TRHDE: variants seen among roughly 807,000 people sequenced by gnomAD.
TRHDE encodes thyrotropin releasing hormone degrading enzyme, also known as thyrotropin-releasing hormone-degrading ectoenzyme.
TRHDE carries 72 observed loss-of-function variants against 125.7 expected under a neutral mutation model. That is an observed-to-expected ratio of 0.57 (90% CI 0.47 to 0.70). The LOEUF (loss-of-function observed/expected upper bound fraction) is 0.70. TRHDE is among the 30% of genes least tolerant of loss of function. The probability of loss-of-function intolerance (pLI) is 0.00; values close to 1 mark genes in which losing one functional copy is unlikely to be tolerated. For missense variants in TRHDE, 1,110 were observed against 1,327.1 expected (o/e 0.84, Z 2.54); for synonymous variants, 509 against 509.1 (o/e 1.00, Z 0.00).
intron 6 of TRHDE, among the ~76,000 whole-genome samples, chr12:72,518,989 C>G (rs1879032600): frequency 6.6e-6 from 1 of 152,208 alleles, no homozygotes; most frequent in African/African-American, 2.4e-5. Flanking sequence ...TCTCTTCTGG[C>G]TGGTAGAGTT....
chr12:72,292,619 G>A (rs932044251), intron 2 of TRHDE, among the ~76,000 whole-genome samples: 1 of 152,078 alleles, frequency 6.6e-6, no homozygotes, highest in African/African-American at 2.4e-5. Context: ...CATAACAAAG[G>A]TCCCCTTTCC....
intron 12 of TRHDE, among the ~76,000 whole-genome samples, chr12:72,583,636 A>C (rs1050219737): frequency 6.6e-6 from 1 of 152,220 alleles, no homozygotes; most frequent in African/African-American, 2.4e-5. Flanking sequence ...TAACTGTAAC[A>C]AGCTGGGAAT....
intron 2 of TRHDE, among the ~76,000 whole-genome samples, chr12:72,228,534 C>G (rs1878182840): frequency 6.6e-6 from 1 of 152,132 alleles, no homozygotes; most frequent in Non-Finnish European, 1.5e-5. Context: ...TCTGATGTGC[C>G]CTGGAGACAT....
intron 1 of TRHDE, among the ~76,000 whole-genome samples, chr12:72,278,091 C>A (rs1448449110): frequency 6.6e-6 from 1 of 152,138 alleles, no homozygotes; most frequent in East Asian, 1.9e-4. Context: ...CTCCTCAACT[C>A]CATTCTTCCC....
chr12:72,250,862 A>T lies in TRHDE; in HGVS notation n.280-127133A>T, dbSNP rs966737001. Among the ~76,000 whole-genome samples the T allele has an allele frequency of 1.2e-4, 17 of 144,262 alleles. 1 individual carries two copies. The highest frequency in any genetic ancestry group is 2.6e-4 in the Non-Finnish European group (17 of 65,884). The allele number at this position is 144,262 out of a possible 152,430, so 94.6% of individuals were successfully genotyped here. ...GATATATATATATATATATATATAT[A>T]TTTTATTTTTATTGCATACTTTATT... On this transcript the variant is annotated intron_variant and non_coding_transcript_variant, in intron 2 of 4. Coordinates refer to the TRHDE transcript ENST00000548156.
chr12:72,651,368 A>G (rs1041843984), intron 15 of TRHDE, among the ~76,000 whole-genome samples: 1 of 152,060 alleles, frequency 6.6e-6, no homozygotes, highest in Non-Finnish European at 1.5e-5. Context: ...TCCTTTAATC[A>G]TAGCAGTATT....
At chr12:72,200,467 G>A (rs1877536007) in intron 2 of TRHDE, among the ~76,000 whole-genome samples, 1 of 152,138 alleles carries the variant, frequency 6.6e-6, no homozygotes, top group African/African-American at 2.4e-5. Context: ...CTCATCTTGA[G>A]TTATGTTTTC....
At chr12:72,424,177 A>G (rs1460939971) in intron 3 of TRHDE, among the ~76,000 whole-genome samples, 5 of 152,136 alleles carry the variant, frequency 3.3e-5, no homozygotes, top group Non-Finnish European at 7.4e-5. Flanking sequence ...TCTGGGTGGG[A>G]TCTTCCCTTG....
chr12:72,622,109 C>T (rs534225989), intron 15 of TRHDE, among the ~76,000 whole-genome samples: 6 of 151,822 alleles, frequency 4.0e-5, no homozygotes, highest in East Asian at 3.9e-4. Context: ...GGTATTTATT[C>T]GTAGAACAAT....
chr12:72,273,967 C>T lies in TRHDE; in HGVS notation c.914+410C>T, dbSNP rs953085088. 1.1e-4 allele frequency: 20 copies of T among 189,914 alleles called. No homozygotes were observed. The highest frequency in any genetic ancestry group is 4.4e-4 in the African/African-American group (19 of 43,238). The allele number at this position is 189,914 out of a possible 1,614,324, so 11.8% of individuals were successfully genotyped here. Reference sequence around the variant, plus strand: ...GGCGCTGAAGGCCAAGACAACAGCGCATCCAGGTTAGCATGTCAGGGCAGG... The same window carrying T: ...GGCGCTGAAGGCCAAGACAACAGCGTATCCAGGTTAGCATGTCAGGGCAGG... On this transcript the variant is annotated intron_variant, in intron 1 of 18. Coordinates refer to ENST00000261180, the MANE Select transcript of TRHDE (RefSeq NM_013381.3). This position sits in a 1 kb window ranked among gnomAD's most constrained non-coding sequence, Gnocchi z 5.3.
chr12:72,189,283 ATAG>A (rs1877290384), intron 2 of TRHDE, among the ~76,000 whole-genome samples: 1 of 152,216 alleles, frequency 6.6e-6, no homozygotes, highest in African/African-American at 2.4e-5. Context: ...TTAATTTTAA[ATAG>A]TAGGATTTCA....
At chr12:72,461,371 TA>T (rs1255963169) in intron 3 of TRHDE, among the ~76,000 whole-genome samples, 1 of 152,174 alleles carries the variant, frequency 6.6e-6, no homozygotes, top group African/African-American at 2.4e-5. Context: ...GGTTTATGAG[TA>T]AAAATCTTGA....
intron 3 of TRHDE, among the ~76,000 whole-genome samples, chr12:72,388,212 T>C (rs370413060): frequency 6.3e-4 from 96 of 152,338 alleles, no homozygotes; most frequent in African/African-American, 2.2e-3. Context: ...ATCACTCTGC[T>C]TCAGTGAGGT....
chr12:72,627,750 A>C (rs2136083866), intron 15 of TRHDE, among the ~76,000 whole-genome samples: 1 of 151,742 alleles, frequency 6.6e-6, no homozygotes, highest in Non-Finnish European at 1.5e-5. Flanking sequence ...CACTGTCATA[A>C]GTTACTTCAC....
intron 2 of TRHDE, among the ~76,000 whole-genome samples, chr12:72,303,749 C>T (rs1460627240): frequency 2.0e-5 from 3 of 152,080 alleles, no homozygotes; most frequent in Non-Finnish European, 2.9e-5. Context: ...TCATATTGGC[C>T]ATAACTTTCT....
intron 2 of TRHDE, among the ~76,000 whole-genome samples, chr12:72,150,006 C>G (rs774066634): frequency 6.6e-6 from 1 of 152,118 alleles, no homozygotes; most frequent in African/African-American, 2.4e-5. Context: ...ATATGTACCA[C>G]TAATTAATGC....
chr12:72,518,575 C>G (rs1263796500), intron 6 of TRHDE, among the ~76,000 whole-genome samples: 1 of 152,134 alleles, frequency 6.6e-6, no homozygotes, highest in Non-Finnish European at 1.5e-5. Flanking sequence ...ATACAGCACA[C>G]TGATGGGTCT....
intron 2 of TRHDE, among the ~76,000 whole-genome samples, chr12:72,359,669 T>C (rs1172804908): frequency 2.0e-5 from 3 of 151,674 alleles, no homozygotes; most frequent in Non-Finnish European, 1.5e-5. Flanking sequence ...CAAGAGATAT[T>C]ATTCCAAGGG....
At chr12:72,460,543 CAGTATTAGGTAATGAGCA>C (rs1876079361) in intron 3 of TRHDE, among the ~76,000 whole-genome samples, 1 of 152,024 alleles carries the variant, frequency 6.6e-6, no homozygotes, top group South Asian at 2.1e-4. Context: ...TCAGTCTGGC[CAGTATTAGGTAATGAGCA>C]AGTATTTTTG....
Sources: gnomAD v4.1 joint callset for allele counts (sites outside exome capture counted in the v4.1 genomes callset) on GRCh38, gnomAD v4.1.1 for gene constraint, Gnocchi (gnomAD v3.1) non-coding constraint, MANE v1.5 for transcripts, NCBI Gene and HGNC (gene_info 2026-07-23, HGNC 2026-07-21) for gene names.